LAMA2: variants seen among roughly 807,000 people sequenced by gnomAD.
The protein encoded by LAMA2 is laminin subunit alpha-2.
In LAMA2, 269 loss-of-function variants were observed where a neutral mutation model predicts 364.8. The observed-to-expected ratio is 0.74, with a 90% CI of 0.67 to 0.82. LAMA2 has a LOEUF of 0.82. Ranked by LOEUF, LAMA2 falls within the 40% of genes least tolerant of loss-of-function variation. The probability of loss-of-function intolerance (pLI) is 0.00; values close to 1 mark genes in which losing one functional copy is unlikely to be tolerated. For synonymous variants in LAMA2, 1,379 were observed against 1,370.6 expected, an observed-to-expected ratio of 1.01 and a Z score of -0.14; for missense variants, 3,807 against 3,873.2, an observed-to-expected ratio of 0.98 and a Z score of 0.45.
intron 3 of LAMA2, among the ~76,000 whole-genome samples, chr6:129,086,900 G>T (rs752914169): frequency 2.0e-5 from 3 of 152,172 alleles, no homozygotes; most frequent in Admixed American, 6.5e-5. Context: ...GAAGCTGAAA[G>T]AATCAGTTTC....
chr6:129,154,080 T>C (rs1211226367), intron 7 of LAMA2, among the ~76,000 whole-genome samples: 1 of 152,180 alleles, frequency 6.6e-6, no homozygotes, highest in Non-Finnish European at 1.5e-5. Flanking sequence ...TTTCTGGATA[T>C]GTTTGTGTGT....
At chr6:129,433,531 G>A (rs1472970182) in intron 41 of LAMA2, among the ~76,000 whole-genome samples, 2 of 152,126 alleles carry the variant, frequency 1.3e-5, no homozygotes, top group Non-Finnish European at 2.9e-5. Context: ...TCACCCTTGT[G>A]AATGGGGCAT....
chr6:129,144,763 AT>A (rs1778331829), intron 5 of LAMA2, among the ~76,000 whole-genome samples: 1 of 151,956 alleles, frequency 6.6e-6, no homozygotes, highest in South Asian at 2.1e-4. Flanking sequence ...ATACTGTTTT[AT>A]TTTCCTTTAC....
At chr6:129,371,977 A>G (rs2114631680) in intron 34 of LAMA2, among the ~76,000 whole-genome samples, 1 of 152,300 alleles carries the variant, frequency 6.6e-6, no homozygotes, top group East Asian at 1.9e-4. Context: ...CCTTTCCAGC[A>G]GATTGTCTCA....
At chr6:129,501,211 G>A (rs1785604528) in intron 58 of LAMA2, among the ~76,000 whole-genome samples, 1 of 152,146 alleles carries the variant, frequency 6.6e-6, no homozygotes, top group African/African-American at 2.4e-5. Context: ...AAGCTACAGA[G>A]GCCTTTCCAT....
chr6:129,449,484 A>C (rs777479693), intron 45 of LAMA2, among the ~76,000 whole-genome samples: 1 of 152,164 alleles, frequency 6.6e-6, no homozygotes, highest in Non-Finnish European at 1.5e-5. Context: ...TCATGAGGAC[A>C]GAGCCCTCAT....
chr6:129,283,977 CA>C (rs1303281906), intron 18 of LAMA2, among the ~76,000 whole-genome samples: 1 of 152,086 alleles, frequency 6.6e-6, no homozygotes, highest in Non-Finnish European at 1.5e-5. Flanking sequence ...GTACACTGCA[CA>C]AAGGCACTCA....
intron 3 of LAMA2, among the ~76,000 whole-genome samples, chr6:129,090,253 C>T (rs1442004742): frequency 6.6e-6 from 1 of 152,134 alleles, no homozygotes; most frequent in Admixed American, 6.5e-5. Context: ...CAGTTTTCAA[C>T]CCATCCACAT....
chr6:129,037,105 T>A (rs892140366), intron 1 of LAMA2, among the ~76,000 whole-genome samples: 1 of 152,238 alleles, frequency 6.6e-6, no homozygotes, highest in Non-Finnish European at 1.5e-5. Context: ...AATTGGTGTA[T>A]TCTCTTTTGT....
At chr6:129,272,560 TA>T (rs959300611) in intron 17 of LAMA2, among the ~76,000 whole-genome samples, 11 of 151,468 alleles carry the variant, frequency 7.3e-5, no homozygotes, top group East Asian at 3.9e-4. Flanking sequence ...AAGACTTCTT[TA>T]AAAAAAAATA....
chr6:129,071,336 T>C (rs1235744099), intron 3 of LAMA2, among the ~76,000 whole-genome samples: 2 of 152,158 alleles, frequency 1.3e-5, no homozygotes, highest in Non-Finnish European at 2.9e-5. Flanking sequence ...ATAATTTCAT[T>C]AGTCTTTTTC....
chr6:129,316,613 T>C (rs1774629817), intron 27 of LAMA2, among the ~76,000 whole-genome samples: 1 of 152,222 alleles, frequency 6.6e-6, no homozygotes, highest in Non-Finnish European at 1.5e-5. Context: ...CCATACAATG[T>C]TGTCATTTTC....
At chr6:129,277,836 C>T (rs1788437196) in intron 17 of LAMA2, among the ~76,000 whole-genome samples, 1 of 152,082 alleles carries the variant, frequency 6.6e-6, no homozygotes, top group African/African-American at 2.4e-5. Flanking sequence ...TCAGTGAGCA[C>T]CTTTTACTTA....
intron 1 of LAMA2, among the ~76,000 whole-genome samples, chr6:128,922,990 C>G (rs1443402175): frequency 2.6e-5 from 4 of 151,260 alleles, no homozygotes; most frequent in African/African-American, 4.9e-5. Flanking sequence ...GCTTGTTTTT[C>G]TCAGGTTTGT....
At chr6:129,243,784 G>A (rs763497047) in intron 12 of LAMA2, among the ~76,000 whole-genome samples, 4 of 151,860 alleles carry the variant, frequency 2.6e-5, no homozygotes, top group South Asian at 2.1e-4. Flanking sequence ...ATTAATGCAC[G>A]TGTGAAAGGA....
chr6:128,947,692 C>T (rs771496867), intron 1 of LAMA2, among the ~76,000 whole-genome samples: 8 of 152,164 alleles, frequency 5.3e-5, no homozygotes, highest in East Asian at 1.9e-4. Flanking sequence ...GGATTTAAAG[C>T]GAGGATGTGA....
chr6:129,403,690 C>T, intron 39 of LAMA2, 131 bp from the exon 40 acceptor site: 1 of 813,778 alleles, frequency 1.2e-6, no homozygotes, highest in Non-Finnish European at 2.1e-6. Flanking sequence ...GTAGATACTT[C>T]ACTATTATTT....
intron 12 of LAMA2, among the ~76,000 whole-genome samples, chr6:129,233,808 T>A (rs1321904549): frequency 6.6e-6 from 1 of 152,194 alleles, no homozygotes; most frequent in Non-Finnish European, 1.5e-5. Context: ...GGGATAAAAA[T>A]ATCATAGAGA....
chr6:128,989,461 C>T (rs540809476), intron 1 of LAMA2, among the ~76,000 whole-genome samples: 1 of 152,160 alleles, frequency 6.6e-6, no homozygotes, highest in South Asian at 2.1e-4. Context: ...CATTCAAATT[C>T]TTGATGTACA....
Sources: gnomAD v4.1 joint callset for allele counts (sites outside exome capture counted in the v4.1 genomes callset) on GRCh38, gnomAD v4.1.1 for gene constraint, MANE v1.5 for transcripts, NCBI Gene and HGNC (gene_info 2026-07-23, HGNC 2026-07-21) for gene names.